Variants in MAGI1 observed in about 807,000 individuals in gnomAD.
MAGI1 encodes the protein membrane-associated guanylate kinase, WW and PDZ domain-containing protein 1.
MAGI1 carries 58 observed loss-of-function variants against 139.9 expected under a neutral mutation model. The ratio of observed to expected loss-of-function variants is 0.41; its 90% confidence interval spans 0.34 to 0.52. The LOEUF (loss-of-function observed/expected upper bound fraction) is 0.52, where lower values mean the gene tolerates loss of function less well. Ranked by LOEUF, MAGI1 falls within the 20% of genes least tolerant of loss-of-function variation. The pLI, the probability that MAGI1 is intolerant of heterozygous loss-of-function variation, is 0.12. For synonymous variants in MAGI1, 812 were observed against 737.9 expected, an observed-to-expected ratio of 1.10 and a Z score of -1.63; for missense variants, 1,874 against 1,901.6, an observed-to-expected ratio of 0.99 and a Z score of 0.27.
At chr3:65,779,276 C>T (rs984493) in intron 1 of MAGI1, among the ~76,000 whole-genome samples, 59,380 of 151,746 alleles carry the variant, frequency 0.39, 12,757 homozygotes, top group South Asian at 0.5. Context: ...ATGTGAGTGG[C>T]CCTCTTCTCC....
chr3:65,810,002 A>T (rs540196792), intron 1 of MAGI1, among the ~76,000 whole-genome samples: 10 of 151,018 alleles, frequency 6.6e-5, no homozygotes, highest in South Asian at 4.2e-4. Context: ...CCTCTCTCTC[A>T]CACACACACA....
chr3:65,733,683 T>C (rs2034422596), intron 1 of MAGI1, among the ~76,000 whole-genome samples: 1 of 152,232 alleles, frequency 6.6e-6, no homozygotes, highest in Non-Finnish European at 1.5e-5. Flanking sequence ...AGTCCCTTCC[T>C]TGGATGTTTG....
intron 1 of MAGI1, among the ~76,000 whole-genome samples, chr3:66,033,505 G>A (rs565872994): frequency 1.1e-3 from 164 of 152,070 alleles, no homozygotes; most frequent in Non-Finnish European, 2.0e-3. Context: ...AGCAAGACCA[G>A]AGATTCATGA....
At chr3:65,653,318 C>T (rs1576609909) in intron 1 of MAGI1, among the ~76,000 whole-genome samples, 1 of 152,268 alleles carries the variant, frequency 6.6e-6, no homozygotes, top group South Asian at 2.1e-4. Flanking sequence ...CCTAATCAGT[C>T]GCTTACCTTC....
chr3:65,629,246 T>C (rs1225091473), intron 1 of MAGI1, among the ~76,000 whole-genome samples: 1 of 152,162 alleles, frequency 6.6e-6, no homozygotes, highest in Admixed American at 6.5e-5. Flanking sequence ...GAGAACACTT[T>C]TGAGTCTTCT....
chr3:65,776,518 C>G (rs548134779), intron 1 of MAGI1, among the ~76,000 whole-genome samples: 1 of 152,154 alleles, frequency 6.6e-6, no homozygotes, highest in Non-Finnish European at 1.5e-5. Context: ...TTTGTACAGG[C>G]TGATTTCTAA....
intron 15 of MAGI1, 139 bp downstream of exon 15, chr3:65,383,393 G>A (rs768456020): frequency 4.6e-6 from 3 of 654,498 alleles, no homozygotes; most frequent in Non-Finnish European, 8.1e-6. Context: ...AAAACCCAAT[G>A]AGAAACCCAC....
At chr3:65,837,751 C>G (rs2058674945) in intron 1 of MAGI1, among the ~76,000 whole-genome samples, 1 of 152,102 alleles carries the variant, frequency 6.6e-6, no homozygotes, top group Non-Finnish European at 1.5e-5. Flanking sequence ...CTATGTTGGT[C>G]TGTTTTGCTC....
intron 1 of MAGI1, among the ~76,000 whole-genome samples, chr3:65,661,896 C>T (rs1364455870): frequency 7.3e-5 from 11 of 151,134 alleles, no homozygotes; most frequent in African/African-American, 1.5e-4. Context: ...GACAGGTGCC[C>T]GCCACCATGC....
At chr3:65,404,107 A>T (rs1945135153) in intron 12 of MAGI1, among the ~76,000 whole-genome samples, 1 of 152,216 alleles carries the variant, frequency 6.6e-6, no homozygotes, top group Admixed American at 6.5e-5. Context: ...TAATGGGGAT[A>T]TGTTCAATAG....
chr3:65,955,567 G>A (rs1466834159), intron 1 of MAGI1, among the ~76,000 whole-genome samples: 3 of 152,200 alleles, frequency 2.0e-5, no homozygotes, highest in Admixed American at 6.5e-5. Context: ...AGGCTCAGGA[G>A]TGGTGGCATG....
At chr3:65,451,324 A>G (rs545010645) in intron 6 of MAGI1, among the ~76,000 whole-genome samples, 5 of 152,336 alleles carry the variant, frequency 3.3e-5, no homozygotes, top group African/African-American at 4.8e-5. Flanking sequence ...CCCTATGGTA[A>G]TAAGTGCCTA....
intron 1 of MAGI1, among the ~76,000 whole-genome samples, chr3:65,704,992 T>C (rs1429289740): frequency 6.6e-6 from 1 of 152,184 alleles, no homozygotes; most frequent in African/African-American, 2.4e-5. Context: ...AAAATGGCTC[T>C]GCCTGGCTGA....
At chr3:65,695,755 T>C (rs1050445980) in intron 1 of MAGI1, among the ~76,000 whole-genome samples, 3 of 152,168 alleles carry the variant, frequency 2.0e-5, no homozygotes, top group Non-Finnish European at 4.4e-5. Context: ...CTGTGCAGAT[T>C]CCAAGGGCTC....
intron 1 of MAGI1, among the ~76,000 whole-genome samples, chr3:65,741,547 C>T (rs2035274741): frequency 6.6e-6 from 1 of 152,178 alleles, no homozygotes; most frequent in Non-Finnish European, 1.5e-5. Context: ...TTGTTGGCTC[C>T]TGCAGTTGTG....
chr3:65,457,476 T>C (rs1414912559), intron 5 of MAGI1, among the ~76,000 whole-genome samples: 1 of 152,200 alleles, frequency 6.6e-6, no homozygotes, highest in Non-Finnish European at 1.5e-5. Context: ...TCTCCATTTA[T>C]AAGGAACTTC....
chr3:65,778,463 G>GAAAAAAAAAA (rs1229957295), intron 1 of MAGI1, among the ~76,000 whole-genome samples: 1 of 136,246 alleles, frequency 7.3e-6, no homozygotes, highest in African/African-American at 2.7e-5. Flanking sequence ...TAAGTCTTTT[G>GAAAAAAAAAA]AGAAATGCAG....
intron 1 of MAGI1, among the ~76,000 whole-genome samples, chr3:65,736,641 A>G (rs1236359610): frequency 6.6e-6 from 1 of 152,164 alleles, no homozygotes; most frequent in African/African-American, 2.4e-5. Context: ...CCAATGTCCA[A>G]GGGCAGGAGA....
At chr3:65,483,228 T>G (rs1457959195) in intron 3 of MAGI1, among the ~76,000 whole-genome samples, 1 of 152,218 alleles carries the variant, frequency 6.6e-6, no homozygotes, top group Non-Finnish European at 1.5e-5. Context: ...GCTCTCTTAT[T>G]CTGCTGTGAA....
Sources: allele counts gnomAD v4.1 joint callset (sites outside exome capture counted in the v4.1 genomes callset), GRCh38; gene constraint gnomAD v4.1.1; transcripts MANE v1.5; gene names NCBI Gene and HGNC (gene_info 2026-07-23, HGNC 2026-07-21).